The following MARCHF1 variants were observed in gnomAD, a reference collection of about 807,000 sequenced individuals.
MARCHF1 encodes membrane associated ring-CH-type finger 1, also known as E3 ubiquitin-protein ligase MARCHF1.
Under a neutral mutation model 54.2 loss-of-function variants are expected in MARCHF1, and 40 were observed. That is an observed-to-expected ratio of 0.74 (90% CI 0.57 to 0.96). The LOEUF (loss-of-function observed/expected upper bound fraction) is 0.96. Ranked by LOEUF, MARCHF1 falls within the 40% of genes least tolerant of loss-of-function variation. The pLI, the probability that MARCHF1 is intolerant of heterozygous loss-of-function variation, is 0.00. For synonymous variants in MARCHF1, 236 were observed against 236.3 expected, an observed-to-expected ratio of 1.00 and a Z score of 0.01; for missense variants, 586 against 656.5, an observed-to-expected ratio of 0.89 and a Z score of 1.17.
chr4:163,979,750 G>A (rs1402490658), intron 3 of MARCHF1, among the ~76,000 whole-genome samples: 2 of 151,982 alleles, frequency 1.3e-5, no homozygotes, highest in Non-Finnish European at 2.9e-5. Flanking sequence ...TGTGATTTTG[G>A]TTTGCATTTC....
At chr4:163,807,840 C>T (rs1335431519) in intron 4 of MARCHF1, among the ~76,000 whole-genome samples, 1 of 151,522 alleles carries the variant, frequency 6.6e-6, no homozygotes, top group Non-Finnish European at 1.5e-5. Flanking sequence ...TTTCTTTTGC[C>T]TCTTATACGT....
chr4:163,671,692 C>T (rs1743743461), intron 5 of MARCHF1, among the ~76,000 whole-genome samples: 2 of 151,972 alleles, frequency 1.3e-5, no homozygotes, highest in Admixed American at 1.3e-4. Flanking sequence ...TAAATGTATT[C>T]GTATTTAAGT....
intron 5 of MARCHF1, among the ~76,000 whole-genome samples, chr4:163,651,213 AT>A (rs1225117648): frequency 6.6e-6 from 1 of 151,884 alleles, no homozygotes; most frequent in Admixed American, 6.6e-5. Context: ...GTTCATTGTT[AT>A]GTTTTTGGAT....
intron 1 of MARCHF1, among the ~76,000 whole-genome samples, chr4:164,351,071 G>C (rs551411529): frequency 6.6e-6 from 1 of 152,176 alleles, no homozygotes; most frequent in Non-Finnish European, 1.5e-5. Flanking sequence ...AAAAAACGGC[G>C]CACCACAAGA....
At chr4:164,294,736 A>C (rs1247819694) in intron 1 of MARCHF1, among the ~76,000 whole-genome samples, 5 of 152,182 alleles carry the variant, frequency 3.3e-5, no homozygotes, top group African/African-American at 1.2e-4. Context: ...GAAACTGTGA[A>C]TATAAATAAA....
chr4:163,637,759 C>G (rs1387800779), intron 5 of MARCHF1, among the ~76,000 whole-genome samples: 1 of 151,128 alleles, frequency 6.6e-6, no homozygotes, highest in Non-Finnish European at 1.5e-5. Flanking sequence ...ACCCAAAGGA[C>G]TATAAATCAT....
chr4:164,269,857 C>T (rs1733699168), intron 1 of MARCHF1, among the ~76,000 whole-genome samples: 1 of 152,102 alleles, frequency 6.6e-6, no homozygotes, highest in Non-Finnish European at 1.5e-5. Context: ...TCCATTTAAG[C>T]ATGTTACATA....
At chr4:164,344,458 T>TTGTGTG (rs144379635) in intron 1 of MARCHF1, among the ~76,000 whole-genome samples, 3,917 of 148,064 alleles carry the variant, frequency 0.026, 83 homozygotes, top group East Asian at 0.11. Flanking sequence ...ATGCACGTGT[T>TTGTGTG]TGTGTGTGTG....
chr4:163,851,695 C>T (rs999515737), intron 4 of MARCHF1, among the ~76,000 whole-genome samples: 2 of 152,222 alleles, frequency 1.3e-5, no homozygotes, highest in Non-Finnish European at 2.9e-5. Context: ...ATTCCATCTC[C>T]TTTTCCTGGC....
intron 2 of MARCHF1, among the ~76,000 whole-genome samples, chr4:164,023,341 C>T (rs1026707264): frequency 1.3e-5 from 2 of 152,104 alleles, no homozygotes; most frequent in Non-Finnish European, 2.9e-5. Flanking sequence ...CTTCCCTGCA[C>T]ACTACAGAGC....
chr4:164,031,141 C>T (rs982497513), intron 2 of MARCHF1, among the ~76,000 whole-genome samples: 3 of 152,126 alleles, frequency 2.0e-5, no homozygotes, highest in Admixed American at 6.6e-5. Context: ...GCATCCTTAT[C>T]GTGTGCCAGT....
chr4:163,850,938 A>C (rs1452737231), intron 4 of MARCHF1, among the ~76,000 whole-genome samples: 7 of 152,106 alleles, frequency 4.6e-5, no homozygotes, highest in Admixed American at 4.6e-4. Flanking sequence ...GCTTCTTCTA[A>C]AGCCCAAATG....
intron 2 of MARCHF1, among the ~76,000 whole-genome samples, chr4:163,992,974 A>G (rs1450763304): frequency 2.0e-5 from 3 of 151,922 alleles, no homozygotes; most frequent in Admixed American, 6.6e-5. Flanking sequence ...GTGTCATTGC[A>G]AAGAGTGTCA....
At chr4:164,214,831 T>A (rs933695428) in intron 1 of MARCHF1, among the ~76,000 whole-genome samples, 2 of 152,168 alleles carry the variant, frequency 1.3e-5, no homozygotes, top group African/African-American at 4.8e-5. Flanking sequence ...TCTTATCACA[T>A]CCCCATTTCC....
intron 4 of MARCHF1, among the ~76,000 whole-genome samples, chr4:163,850,813 T>C (rs1455894368): frequency 6.6e-6 from 1 of 152,202 alleles, no homozygotes; most frequent in Non-Finnish European, 1.5e-5. Context: ...TGTTGACTAT[T>C]ACTGGCTACG....
intron 4 of MARCHF1, among the ~76,000 whole-genome samples, chr4:163,760,377 A>G (rs556008847): frequency 6.6e-6 from 1 of 152,352 alleles, no homozygotes; most frequent in South Asian, 2.1e-4. Flanking sequence ...CTATTGCCAT[A>G]AGATAACACA....
At chr4:163,746,125 C>T (rs1746353637) in intron 4 of MARCHF1, among the ~76,000 whole-genome samples, 1 of 152,212 alleles carries the variant, frequency 6.6e-6, no homozygotes, top group Non-Finnish European at 1.5e-5. Flanking sequence ...TAATACACAG[C>T]AGTTTCACTG....
intron 4 of MARCHF1, among the ~76,000 whole-genome samples, chr4:163,815,207 T>A (rs865990858): frequency 2.0e-5 from 3 of 152,338 alleles, no homozygotes; most frequent in South Asian, 4.1e-4. Context: ...CTTTTCCATT[T>A]AAATTGGGAC....
intron 3 of MARCHF1, among the ~76,000 whole-genome samples, chr4:163,939,543 A>T (rs1172009023): frequency 2.0e-5 from 3 of 152,196 alleles, no homozygotes; most frequent in African/African-American, 7.2e-5. Context: ...AGGCTCATCC[A>T]CATAGCTCTC....
Sources: allele counts gnomAD v4.1 joint callset (sites outside exome capture counted in the v4.1 genomes callset), GRCh38; gene constraint gnomAD v4.1.1; transcripts MANE v1.5; gene names NCBI Gene and HGNC (gene_info 2026-07-23, HGNC 2026-07-21).